The following PTPN7 variants were observed in gnomAD, a reference collection of about 807,000 sequenced individuals.
The protein encoded by PTPN7 is protein tyrosine phosphatase non-receptor type 7.
Under a neutral mutation model 50.3 loss-of-function variants are expected in PTPN7, and 33 were observed. That is an observed-to-expected ratio of 0.66 (90% confidence interval 0.50 to 0.88). The LOEUF is 0.88. Ranked by LOEUF, PTPN7 falls within the 40% of genes least tolerant of loss-of-function variation. The pLI is 0.00. For missense variants in PTPN7, 412 were observed against 475.4 expected, an observed-to-expected ratio of 0.87 and a Z score of 1.24; for synonymous variants, 185 against 186.6, an observed-to-expected ratio of 0.99 and a Z score of 0.07.
At position 202,159,466 on chromosome 1, in the gene PTPN7, G is replaced by C; in HGVS notation, c.-52-12C>G. 2 of 1,608,548 alleles carry C rather than the reference G, an allele frequency of 1.2e-6. No homozygotes were observed. Among genetic ancestry groups the C allele is most frequent in the Non-Finnish European group, 1.7e-6 (2 of 1,175,658 alleles). ...GCCATGAGGTCTGCCTGAAAGACAGGGCCCTCCGCTGCTGTTCTCTGGCCT... is the reference window on the plus strand; with the variant it reads ...GCCATGAGGTCTGCCTGAAAGACAGCGCCCTCCGCTGCTGTTCTCTGGCCT... On this transcript the variant is annotated splice_polypyrimidine_tract_variant and intron_variant, in intron 1 of 9. Transcript: ENST00000691036. This position sits in a 1 kb window ranked among gnomAD's most constrained non-coding sequence, Gnocchi z 4.6.
intron 9 of PTPN7, chr1:202,149,810 G>T (rs1355287165): frequency 2.0e-5 from 3 of 149,294 alleles, no homozygotes; most frequent in Admixed American, 2.0e-4. Flanking sequence ...CAACATTCCA[G>T]ACAGATATTC....
chr1:202,149,078 C>A (rs1014593389), intron 9 of PTPN7, among the ~76,000 whole-genome samples: 1 of 152,036 alleles, frequency 6.6e-6, no homozygotes, highest in African/African-American at 2.4e-5. Flanking sequence ...TGGTCTTGAA[C>A]TCCTGACCTC....
At chr1:202,157,655 G>C in intron 4 of PTPN7, 84 bp downstream of exon 4, 1 of 1,325,666 alleles carries the variant, frequency 7.5e-7, no homozygotes, top group Non-Finnish European at 1.1e-6. Flanking sequence ...ATCTTCCCTG[G>C]CTGAAACTGT....
At chr1:202,151,100 G>A (rs115728097) in intron 8 of PTPN7, among the ~76,000 whole-genome samples, 23 of 151,992 alleles carry the variant, frequency 1.5e-4, no homozygotes, top group Admixed American at 1.3e-4. Flanking sequence ...TGTCCCCTAC[G>A]ACACCCCCTC....
upstream of PTPN7, chr1:202,161,216 C>T (rs1037056813): frequency 1.5e-5 from 17 of 1,122,538 alleles, no homozygotes; most frequent in African/African-American, 8.0e-5. Context: ...GTCGTCTCCA[C>T]GCCTGTGCCA....
At chr1:202,152,400 G>T in intron 8 of PTPN7, 142 bp downstream of exon 8, 1 of 1,015,810 alleles carries the variant, frequency 9.8e-7, no homozygotes, top group Non-Finnish European at 1.4e-6. Flanking sequence ...CAGAGCCCTT[G>T]CTGAATGGCC....
chr1:202,161,197 G>A, upstream of PTPN7: 1 of 1,119,892 alleles, frequency 8.9e-7, no homozygotes, highest in South Asian at 2.4e-5. Flanking sequence ...CCGGGGCCAG[G>A]CCAAAAAGGT....
Position 202,159,648 on chromosome 1 carries a change from A to C in PTPN7, c.-52-194T>G, listed in dbSNP as rs2147855231. The C allele has an allele frequency of 6.9e-7, 1 of 1,451,234 alleles. No homozygotes were observed. The highest frequency in any genetic ancestry group is 2.3e-5 in the East Asian group (1 of 42,722). The allele number at this position is 1,451,234 out of a possible 1,614,324, so 89.9% of individuals were successfully genotyped here. ...AGGGCAGAAGGCAGTCTCGGGGTAG[A>C]GTAACGGCAAGATAAAGGGTAGAGA... On this transcript the variant is annotated intron_variant, in intron 1 of 9. Coordinates refer to ENST00000691036, the MANE Select transcript of PTPN7 (RefSeq NM_002832.4). The surrounding 1 kb of genome is among the most constrained non-coding windows in gnomAD (Gnocchi z 4.6).
At position 202,154,130 on chromosome 1, in the gene PTPN7, G is replaced by A. The variant is rs201625511; in HGVS notation, c.606+56C>T. ...GAGCTGCCCTGTGTGTGGGGTGGGG[G>A]TGGGGTGGGCATAGCACTTTCTGGG... is the stretch of plus-strand genomic sequence containing the variant. On this transcript the variant is annotated intron_variant, in intron 6 of 9. Coordinates refer to ENST00000691036, the MANE Select transcript of PTPN7 (RefSeq NM_002832.4). 2,632 of 1,607,082 alleles carry A rather than the reference G, an allele frequency of 1.6e-3. 12 individuals carry two copies. The highest frequency in any genetic ancestry group is 0.01 in the South Asian group (953 of 90,854).
chr1:202,159,207 G>A lies in PTPN7; in HGVS notation c.122+74C>T. 6.8e-7 allele frequency: 1 copy of A among 1,460,710 alleles called. No individual in the cohort carries two copies. The highest frequency in any genetic ancestry group is 9.5e-7 in the Non-Finnish European group (1 of 1,051,278). 90.5% of individuals were successfully genotyped at this position (1,460,710 alleles called of 1,614,324 possible). ...TGGACCCTGCTGTCAGAGCTGGAGG[G>A]GCAGATGGAAGGAAGGGAGGAGCGG... is the stretch of plus-strand genomic sequence containing the variant. On this transcript the variant is annotated intron_variant, in intron 2 of 9. Transcript: ENST00000691036. This position sits in a 1 kb window ranked among gnomAD's most constrained non-coding sequence, Gnocchi z 4.6.
chr1:202,149,066 G>T (rs184939843), intron 9 of PTPN7, among the ~76,000 whole-genome samples: 1 of 152,022 alleles, frequency 6.6e-6, no homozygotes, highest in Non-Finnish European at 1.5e-5. Flanking sequence ...ATGTTGCCAG[G>T]GTGGTCTTGA....
At chr1:202,150,265 T>G in intron 9 of PTPN7, 46 bp downstream of exon 9, 1 of 1,473,610 alleles carries the variant, frequency 6.8e-7, no homozygotes, top group Non-Finnish European at 9.4e-7. Context: ...GAGGCACTGA[T>G]GCCATCCGTT....
In PTPN7 at chr1:202,159,204, A is replaced by G. The variant is rs1176625833; in HGVS notation, c.122+77T>C. 6.2e-6 allele frequency: 9 copies of G among 1,440,012 alleles called. No individual in the cohort carries two copies. The African/African-American group carries it at 9.8e-5, about 16-fold the overall frequency. The allele number at this position is 1,440,012 out of a possible 1,614,324, so 89.2% of individuals were successfully genotyped here. A position where few individuals can be genotyped will look rare whatever the true frequency, so the allele number is the denominator to read the frequency against. On this transcript the variant is annotated intron_variant, in intron 2 of 9. Coordinates refer to ENST00000691036, the MANE Select transcript of PTPN7 (RefSeq NM_002832.4). The surrounding 1 kb of genome is among the most constrained non-coding windows in gnomAD (Gnocchi z 4.6). ...CTCTGGACCCTGCTGTCAGAGCTGG[A>G]GGGGCAGATGGAAGGAAGGGAGGAG...
At chr1:202,152,768 C>A in intron 7 of PTPN7, 69 bp from the exon 8 acceptor site, 2 of 1,550,566 alleles carry the variant, frequency 1.3e-6, no homozygotes, top group East Asian at 4.5e-5. Context: ...TTCTCTGGTG[C>A]CTGAGGAGGG....
chr1:202,148,785 C>T, intron 9 of PTPN7, 86 bp from the exon 10 acceptor site: 2 of 1,091,274 alleles, frequency 1.8e-6, no homozygotes, highest in Non-Finnish European at 2.6e-6. Flanking sequence ...TGTGGTCCTA[C>T]TGGGAAAGTC....
At position 202,158,109 on chromosome 1, in the gene PTPN7, A is replaced by G; in HGVS notation, c.306+9T>C. 6.3e-7 allele frequency: 1 copy of G among 1,581,504 alleles called. No homozygotes were observed. Among genetic ancestry groups the G allele is most frequent in the Non-Finnish European group, 8.6e-7 (1 of 1,164,834 alleles). ...GCAGAGCGATTCAGAGGGGACCCCAATTTCTTACCAAGAATTCTTCTTCCA... is the reference window on the plus strand; with the variant it reads ...GCAGAGCGATTCAGAGGGGACCCCAGTTTCTTACCAAGAATTCTTCTTCCA... On this transcript the variant is annotated intron_variant, in intron 3 of 9. Transcript: ENST00000691036.
At chr1:202,153,319 T>G (rs1656255630) in intron 7 of PTPN7, among the ~76,000 whole-genome samples, 1 of 152,190 alleles carries the variant, frequency 6.6e-6, no homozygotes. Flanking sequence ...AGACAAGGTT[T>G]CACCATGTTG....
At chr1:202,154,399 G>T (rs1656411071) in intron 5 of PTPN7, 76 bp from the exon 6 acceptor site, 2 of 1,529,964 alleles carry the variant, frequency 1.3e-6, no homozygotes, top group Non-Finnish European at 1.8e-6. Flanking sequence ...GATGCCTCAG[G>T]TGCTGGGGTC....
At chr1:202,157,076 CAG>C (rs761967822) in intron 4 of PTPN7, among the ~76,000 whole-genome samples, 7 of 152,180 alleles carry the variant, frequency 4.6e-5, no homozygotes, top group Non-Finnish European at 5.9e-5. Context: ...AAGAGGAAGA[CAG>C]GGAAAGGGGC....
Sources: gnomAD v4.1 joint callset for allele counts (sites outside exome capture counted in the v4.1 genomes callset) on GRCh38, gnomAD v4.1.1 for gene constraint, Gnocchi (gnomAD v3.1) non-coding constraint, MANE v1.5 for transcripts, NCBI Gene and HGNC (gene_info 2026-07-23, HGNC 2026-07-21) for gene names.